CWC27: variants seen among roughly 807,000 people sequenced by gnomAD.
The protein encoded by CWC27 is spliceosome-associated protein CWC27 homolog.
A neutral mutation model predicts 63.6 loss-of-function variants in CWC27; 47 were observed. The observed-to-expected ratio is 0.74, with a 90% CI of 0.58 to 0.94. The LOEUF is 0.94. Among genes scored for constraint, CWC27 ranks in the 40% least tolerant of loss-of-function variants. The probability of loss-of-function intolerance (pLI) is 0.00; values close to 1 mark genes in which losing one functional copy is unlikely to be tolerated. For synonymous variants in CWC27, 175 were observed against 179.8 expected (o/e 0.97, Z 0.22); for missense variants, 495 against 554.3 (o/e 0.89, Z 1.07).
At chr5:64,783,798 A>G (rs370695839) in intron 3 of CWC27, 38 bp from the exon 4 acceptor site, 2 of 1,512,656 alleles carry the variant, frequency 1.3e-6, no homozygotes, top group Non-Finnish European at 1.8e-6. Flanking sequence ...GAAGGGTCTT[A>G]TAACTGAGGA....
At chr5:64,771,849 G>A (rs1458556750) in intron 1 of CWC27, among the ~76,000 whole-genome samples, 1 of 152,130 alleles carries the variant, frequency 6.6e-6, no homozygotes, top group Non-Finnish European at 1.5e-5. Context: ...GCTTATTAAT[G>A]AAAAGATTAA....
chr5:64,818,702 G>A (rs1256920627), intron 10 of CWC27, among the ~76,000 whole-genome samples: 1 of 152,144 alleles, frequency 6.6e-6, no homozygotes, highest in African/African-American at 2.4e-5. Context: ...CTGACCTGTG[G>A]AAATACATTT....
intron 9 of CWC27, 63 bp from the exon 10 acceptor site, chr5:64,804,166 A>G: frequency 6.9e-7 from 1 of 1,445,552 alleles, no homozygotes; most frequent in African/African-American, 1.4e-5. Flanking sequence ...TGGATGCAAT[A>G]GATCTCTAGA....
intron 10 of CWC27, among the ~76,000 whole-genome samples, chr5:64,852,787 T>C (rs1022778053): frequency 1.5e-4 from 23 of 152,054 alleles, no homozygotes; most frequent in Non-Finnish European, 2.8e-4. Flanking sequence ...TTTTTTTTTT[T>C]TAATTAAATT....
intron 6 of CWC27, among the ~76,000 whole-genome samples, chr5:64,788,322 A>G (rs548014203): frequency 4.3e-4 from 66 of 151,974 alleles, no homozygotes; most frequent in African/African-American, 1.6e-3. Context: ...GCTTTGGGAA[A>G]AAAAAAAATC....
intron 11 of CWC27, among the ~76,000 whole-genome samples, chr5:64,930,053 A>G (rs1186358629): frequency 1.3e-5 from 2 of 152,224 alleles, no homozygotes; most frequent in East Asian, 3.8e-4. Context: ...GTACTGATTC[A>G]TGCTACAACA....
At position 64,840,386 on chromosome 5, in the gene CWC27, A is replaced by ATAT. The variant is rs1337676548; in HGVS notation, c.938+36000_938+36001insTAT. 2.0e-3 allele frequency among the ~76,000 whole-genome samples: 112 copies of ATAT among 56,836 alleles called. 5 individuals carry two copies. The highest frequency in any genetic ancestry group is 3.1e-3 in the Non-Finnish European group (93 of 29,546). The allele number at this position is 56,836 out of a possible 152,430, so 37.3% of individuals were successfully genotyped here. On this transcript the variant is annotated intron_variant, in intron 10 of 13. Transcript: ENST00000381070. ...TTAAAAAAAAAAAAAAAAAAAAAAA[A>ATAT]AAAAAAAAATATATATATATATATA... is the stretch of plus-strand genomic sequence containing the variant.
chr5:65,008,177 T>C (rs1226953109), intron 13 of CWC27, among the ~76,000 whole-genome samples: 1 of 152,254 alleles, frequency 6.6e-6, no homozygotes, highest in African/African-American at 2.4e-5. Context: ...CTTCATTGAA[T>C]ATAACAAGTG....
At chr5:65,004,283 A>G (rs943165962) in intron 13 of CWC27, among the ~76,000 whole-genome samples, 21 of 151,478 alleles carry the variant, frequency 1.4e-4, no homozygotes, top group African/African-American at 5.1e-4. Context: ...TACTTGTTAA[A>G]TATGTTTTCT....
chr5:64,800,661 C>A (rs776994747), intron 8 of CWC27, among the ~76,000 whole-genome samples: 2 of 152,086 alleles, frequency 1.3e-5, no homozygotes, highest in Non-Finnish European at 2.9e-5. Flanking sequence ...AGCATTTTTG[C>A]CTTAATTGTA....
chr5:64,885,328 A>T, intron 10 of CWC27, 115 bp from the exon 11 acceptor site: 1 of 640,448 alleles, frequency 1.6e-6, no homozygotes, highest in Non-Finnish European at 2.6e-6. Context: ...AAAATGAATG[A>T]ATTACATTAT....
At chr5:64,922,740 G>A (rs544372889) in intron 11 of CWC27, among the ~76,000 whole-genome samples, 2 of 152,308 alleles carry the variant, frequency 1.3e-5, no homozygotes, top group South Asian at 2.1e-4. Flanking sequence ...TTTCTCATCT[G>A]TGGGGGCTGA....
chr5:64,819,774 A>G (rs536429487), intron 10 of CWC27, among the ~76,000 whole-genome samples: 7 of 152,170 alleles, frequency 4.6e-5, no homozygotes, highest in Non-Finnish European at 8.8e-5. Flanking sequence ...CTATTATAGT[A>G]CTTAAGCATG....
chr5:64,914,398 A>T (rs1408458128), intron 11 of CWC27, among the ~76,000 whole-genome samples: 3 of 152,160 alleles, frequency 2.0e-5, no homozygotes, highest in African/African-American at 7.2e-5. Flanking sequence ...GGAAATATAC[A>T]GCATAGCCAG....
At chr5:64,840,373 AAAAAAAAAAAAAAAAAAAAAAATATATAT>A (rs1428143902) in intron 10 of CWC27, among the ~76,000 whole-genome samples, 1 of 48,978 alleles carries the variant, frequency 2.0e-5, no homozygotes, top group African/African-American at 9.0e-5. Context: ...AAAAAAAAAA[AAAAAAAAAAAAAAAAAAAAAAATATATAT>A]ATATATATAT....
chr5:64,943,056 CTTAAA>C (rs1264026208), intron 11 of CWC27, among the ~76,000 whole-genome samples: 1 of 151,840 alleles, frequency 6.6e-6, no homozygotes, highest in Admixed American at 6.6e-5. Context: ...CATTGAAAGT[CTTAAA>C]TGTTTAAAAC....
chr5:64,854,529 G>C (rs564866840), intron 10 of CWC27, among the ~76,000 whole-genome samples: 2 of 152,318 alleles, frequency 1.3e-5, no homozygotes, highest in Non-Finnish European at 2.9e-5. Context: ...TCAGTGCCCT[G>C]TGCAAAAAAC....
At chr5:64,824,821 C>T (rs1472769997) in intron 10 of CWC27, among the ~76,000 whole-genome samples, 5 of 151,140 alleles carry the variant, frequency 3.3e-5, no homozygotes, top group Admixed American at 1.3e-4. Flanking sequence ...CAACCTCCGC[C>T]TCCCAGGTTC....
intron 11 of CWC27, among the ~76,000 whole-genome samples, chr5:64,904,482 C>T (rs77991459): frequency 0.11 from 17,046 of 152,188 alleles, 2,971 homozygotes; most frequent in African/African-American, 0.37. Context: ...GCCTCGGTTC[C>T]TTACCATATG....
Sources: allele counts gnomAD v4.1 joint callset (sites outside exome capture counted in the v4.1 genomes callset), GRCh38; gene constraint gnomAD v4.1.1; transcripts MANE v1.5; gene names NCBI Gene and HGNC (gene_info 2026-07-23, HGNC 2026-07-21).